SUMF1: variants seen among roughly 807,000 people sequenced by gnomAD.
SUMF1 encodes the protein sulfatase modifying factor 1, also known as formylglycine-generating enzyme.
SUMF1 carries 48 observed loss-of-function variants against 47.6 expected under a neutral mutation model. The observed-to-expected ratio is 1.01, with a 90% CI of 0.80 to 1.28. The LOEUF is 1.28. Ranked by LOEUF, SUMF1 falls within the 50% of genes most tolerant of loss-of-function variation. The pLI, the probability that SUMF1 is intolerant of heterozygous loss-of-function variation, is 0.00. For synonymous variants in SUMF1, 230 were observed against 192.1 expected, an observed-to-expected ratio of 1.20 and a Z score of -1.63; for missense variants, 571 against 485.4, an observed-to-expected ratio of 1.18 and a Z score of -1.66.
intron 8 of SUMF1, among the ~76,000 whole-genome samples, chr3:4,171,991 T>A (rs1237294186): frequency 2.6e-5 from 4 of 152,060 alleles, no homozygotes; most frequent in African/African-American, 9.7e-5. Context: ...CAAATGTATG[T>A]TTTAGAAAGA....
chr3:4,220,401 A>G (rs114326576), intron 8 of SUMF1, among the ~76,000 whole-genome samples: 3,341 of 152,232 alleles, frequency 0.022, 129 homozygotes, highest in African/African-American at 0.075. Context: ...TTCTAAAACT[A>G]CAACCCTCCA....
At chr3:4,277,042 G>A (rs1372548590) in intron 8 of SUMF1, among the ~76,000 whole-genome samples, 1 of 152,120 alleles carries the variant, frequency 6.6e-6, no homozygotes, top group Non-Finnish European at 1.5e-5. Flanking sequence ...AGACTTTGGA[G>A]ATAATCTAAT....
intron 8 of SUMF1, among the ~76,000 whole-genome samples, chr3:4,314,612 A>G (rs543512202): frequency 6.6e-6 from 1 of 152,198 alleles, no homozygotes; most frequent in African/African-American, 2.4e-5. Context: ...AATCTTGTGA[A>G]GTTATGCTTC....
chr3:4,249,184 T>G (rs774131474), intron 8 of SUMF1, among the ~76,000 whole-genome samples: 1 of 152,216 alleles, frequency 6.6e-6, no homozygotes, highest in Non-Finnish European at 1.5e-5. Context: ...AATTTGGCAT[T>G]CAGCAAATCA....
chr3:4,136,125 C>CT (rs1444311240), intron 8 of SUMF1, among the ~76,000 whole-genome samples: 1 of 152,094 alleles, frequency 6.6e-6, no homozygotes, highest in Non-Finnish European at 1.5e-5. Context: ...GAAAAAACTA[C>CT]TTTAAAGTTC....
chr3:4,218,533 C>T (rs1695990074), intron 8 of SUMF1, among the ~76,000 whole-genome samples: 1 of 152,226 alleles, frequency 6.6e-6, no homozygotes, highest in Admixed American at 6.5e-5. Context: ...AAGACTTTGG[C>T]TCATCAAGAA....
In SUMF1 at chr3:4,109,103, C is replaced by A. The variant is rs1693228992; in HGVS notation, c.1015-40358G>T. Among the ~76,000 whole-genome samples the A allele has an allele frequency of 2.0e-5, 3 of 152,022 alleles. No individual in the cohort carries two copies. In the South Asian group the frequency reaches 6.2e-4, roughly 32 times the overall value. ...ATGTTTAGTGCTTCCTTCAGGAGCT[C>A]TTTTAGGGCAGGCCTGGTGGTGACA... is the stretch of plus-strand genomic sequence containing the variant. On this transcript the variant is annotated intron_variant and NMD_transcript_variant, in intron 8 of 12. Coordinates refer to the SUMF1 transcript ENST00000448413.
chr3:4,450,194 A>G (rs2125126783), intron 2 of SUMF1, among the ~76,000 whole-genome samples: 1 of 152,312 alleles, frequency 6.6e-6, no homozygotes. Flanking sequence ...CTGTGTGTGT[A>G]AATAGCACAC....
rs111280084 is a variant in SUMF1 at position 4,125,299 on chromosome 3, G to A, written c.1015-56554C>T. Among the ~76,000 whole-genome samples the A allele has an allele frequency of 5.7e-4, 87 of 152,098 alleles. 4 individuals carry two copies. Among genetic ancestry groups the A allele is most frequent in the Admixed American group, 2.0e-3 (31 of 15,282 alleles). On this transcript the variant is annotated intron_variant and NMD_transcript_variant, in intron 8 of 12. Transcript: ENST00000448413. ...ACATGTTACCGGTTATTACTGTACC[G>A]GACAGCACAGATATAGAACATTTCT...
chr3:4,290,412 A>T (rs901302201), intron 8 of SUMF1, among the ~76,000 whole-genome samples: 1 of 152,238 alleles, frequency 6.6e-6, no homozygotes, highest in African/African-American at 2.4e-5. Context: ...AGTTTATGCA[A>T]AATGGGTATT....
chr3:4,395,482 C>G (rs1345952176), intron 7 of SUMF1, among the ~76,000 whole-genome samples: 1 of 152,096 alleles, frequency 6.6e-6, no homozygotes, highest in African/African-American at 2.4e-5. Flanking sequence ...ATTAGCCTCT[C>G]CTGCATGAGA....
chr3:4,431,585 T>G (rs1390023968), intron 3 of SUMF1, among the ~76,000 whole-genome samples: 1 of 152,172 alleles, frequency 6.6e-6, no homozygotes, highest in Non-Finnish European at 1.5e-5. Context: ...TGTCAGCATA[T>G]CCTCATTCTT....
At chr3:4,441,488 C>T (rs905683944) in intron 3 of SUMF1, among the ~76,000 whole-genome samples, 2 of 152,274 alleles carry the variant, frequency 1.3e-5, no homozygotes, top group Non-Finnish European at 2.9e-5. Flanking sequence ...GCCCCACATC[C>T]GAGGAAAAAC....
At chr3:4,443,550 G>A (rs1702678892) in intron 3 of SUMF1, among the ~76,000 whole-genome samples, 1 of 152,126 alleles carries the variant, frequency 6.6e-6, no homozygotes. Flanking sequence ...GATTGCTTGA[G>A]CCCAGGAGTT....
intron 8 of SUMF1, among the ~76,000 whole-genome samples, chr3:4,131,137 C>A (rs1464600025): frequency 6.6e-6 from 1 of 152,148 alleles, no homozygotes; most frequent in East Asian, 1.9e-4. Flanking sequence ...ACCATATGAC[C>A]TGAACTGCCT....
chr3:4,184,032 G>A (rs1298265721), intron 8 of SUMF1, among the ~76,000 whole-genome samples: 1 of 152,018 alleles, frequency 6.6e-6, no homozygotes, highest in Non-Finnish European at 1.5e-5. Context: ...CTACTCGGGA[G>A]GCTGAAGTAT....
chr3:4,166,912 G>C (rs2600138), intron 8 of SUMF1, among the ~76,000 whole-genome samples: 51,713 of 151,740 alleles, frequency 0.34, 8,937 homozygotes, highest in East Asian at 0.4. Context: ...TCCCAGAAAG[G>C]CTGACACCCA....
intron 8 of SUMF1, among the ~76,000 whole-genome samples, chr3:4,364,992 C>A (rs1276014428): frequency 1.3e-5 from 2 of 151,990 alleles, no homozygotes; most frequent in Non-Finnish European, 2.9e-5. Context: ...ACCCAGTAGT[C>A]ATTTTTGTTC....
intron 8 of SUMF1, among the ~76,000 whole-genome samples, chr3:4,179,101 A>T (rs1314580281): frequency 6.6e-6 from 1 of 151,316 alleles, no homozygotes; most frequent in Non-Finnish European, 1.5e-5. Context: ...AATATCATGA[A>T]AACACTGCCC....
Sources: allele counts gnomAD v4.1 joint callset (sites outside exome capture counted in the v4.1 genomes callset), GRCh38; gene constraint gnomAD v4.1.1; transcripts MANE v1.5; gene names NCBI Gene and HGNC (gene_info 2026-07-23, HGNC 2026-07-21).